The following TENM3 variants were observed in gnomAD, a reference collection of about 807,000 sequenced individuals.
The protein encoded by TENM3 is teneurin transmembrane protein 3, also known as teneurin-3.
TENM3 carries 63 observed loss-of-function variants against 255.1 expected under a neutral mutation model. That is an observed-to-expected ratio of 0.25 (90% CI 0.20 to 0.30). TENM3 has a LOEUF of 0.30. Ranked by LOEUF, TENM3 falls within the 10% of genes least tolerant of loss-of-function variation. The probability of loss-of-function intolerance (pLI) is 1.00; values close to 1 mark genes in which losing one functional copy is unlikely to be tolerated. For missense variants in TENM3, 2,929 were observed against 3,461.1 expected, an observed-to-expected ratio of 0.85 and a Z score of 3.86; for synonymous variants, 1,306 against 1,322.3, an observed-to-expected ratio of 0.99 and a Z score of 0.27.
chr4:182,765,095 A>G (rs1324585995), intron 22 of TENM3, among the ~76,000 whole-genome samples: 1 of 151,940 alleles, frequency 6.6e-6, no homozygotes, highest in African/African-American at 2.4e-5. Flanking sequence ...TTCGTAAATT[A>G]TGACTTTGAG....
intron 1 of TENM3, among the ~76,000 whole-genome samples, chr4:182,159,740 G>T (rs916371328): frequency 1.3e-5 from 2 of 152,218 alleles, no homozygotes; most frequent in African/African-American, 4.8e-5. Flanking sequence ...GATGGCCGGA[G>T]AAGTGACAGT....
At chr4:181,761,873 T>TTCAAA in the TENM3 span, among the ~76,000 whole-genome samples, 1 of 152,332 alleles carries the variant, frequency 6.6e-6, no homozygotes, top group East Asian at 1.9e-4. Flanking sequence ...AATATGTTTG[T>TTCAAA]GTCTTTTGAA....
chr4:182,412,237 T>C (rs1339122359), intron 3 of TENM3, among the ~76,000 whole-genome samples: 1 of 152,028 alleles, frequency 6.6e-6, no homozygotes, highest in Non-Finnish European at 1.5e-5. Flanking sequence ...AGACTGGATG[T>C]GTAATACACC....
chr4:181,987,110 C>A, the TENM3 span, among the ~76,000 whole-genome samples: 8 of 152,042 alleles, frequency 5.3e-5, no homozygotes, highest in Non-Finnish European at 1.0e-4. Flanking sequence ...AACCTGGTTC[C>A]CTTCAAGTGT....
the TENM3 span, among the ~76,000 whole-genome samples, chr4:181,587,180 C>G: frequency 6.6e-6 from 1 of 152,122 alleles, no homozygotes; most frequent in East Asian, 1.9e-4. Context: ...TCTATACTCC[C>G]GCACTCTCTC....
At chr4:182,422,725 A>T (rs997040334) in intron 3 of TENM3, among the ~76,000 whole-genome samples, 4 of 152,354 alleles carry the variant, frequency 2.6e-5, no homozygotes, top group African/African-American at 7.2e-5. Context: ...CAAAAATTTT[A>T]AAAACTTTTT....
chr4:182,493,529 A>G (rs1449805440), intron 3 of TENM3, among the ~76,000 whole-genome samples: 1 of 152,148 alleles, frequency 6.6e-6, no homozygotes, highest in African/African-American at 2.4e-5. Flanking sequence ...TAGCATTAAA[A>G]CACAATTTCC....
intron 1 of TENM3, among the ~76,000 whole-genome samples, chr4:182,295,834 G>T (rs1013579906): frequency 6.6e-6 from 1 of 152,152 alleles, no homozygotes. Flanking sequence ...AGACATAACT[G>T]TTTACCACGT....
At chr4:181,915,100 T>C in the TENM3 span, among the ~76,000 whole-genome samples, 1 of 152,098 alleles carries the variant, frequency 6.6e-6, no homozygotes, top group Non-Finnish European at 1.5e-5. Flanking sequence ...CACTAGGAGA[T>C]CAGGAGGACA....
At chr4:182,676,466 G>T (rs1213156589) in intron 7 of TENM3, among the ~76,000 whole-genome samples, 2 of 136,452 alleles carry the variant, frequency 1.5e-5, no homozygotes, top group African/African-American at 5.1e-5. Flanking sequence ...TGAAAGAGTT[G>T]GATCAGATGA....
At chr4:181,557,848 A>G in the TENM3 span, among the ~76,000 whole-genome samples, 1 of 152,218 alleles carries the variant, frequency 6.6e-6, no homozygotes, top group Admixed American at 6.5e-5. Context: ...ATATTTCTAC[A>G]TAAGTTAAAA....
chr4:182,539,764 A>T (rs6812886), intron 3 of TENM3, among the ~76,000 whole-genome samples: 75,051 of 152,102 alleles, frequency 0.49, 18,872 homozygotes, highest in African/African-American at 0.58. Flanking sequence ...GGGAATATAA[A>T]TGTGTATAAT....
the TENM3 span, among the ~76,000 whole-genome samples, chr4:181,948,651 C>G: frequency 6.6e-6 from 1 of 152,046 alleles, no homozygotes; most frequent in South Asian, 2.1e-4. Flanking sequence ...CTCCTGACCT[C>G]GTGATCTGCC....
At chr4:182,157,634 A>G (rs1052559188) in intron 1 of TENM3, among the ~76,000 whole-genome samples, 2 of 150,248 alleles carry the variant, frequency 1.3e-5, no homozygotes, top group African/African-American at 4.8e-5. Flanking sequence ...CTATGGTTCT[A>G]TTGTTTGAAG....
At chr4:182,294,515 C>T (rs749387923) in intron 1 of TENM3, among the ~76,000 whole-genome samples, 1 of 151,926 alleles carries the variant, frequency 6.6e-6, no homozygotes, top group Non-Finnish European at 1.5e-5. Flanking sequence ...AAAGTGAGAG[C>T]GTCTGGGTGA....
intron 3 of TENM3, among the ~76,000 whole-genome samples, chr4:182,384,000 C>T (rs778450317): frequency 5.9e-5 from 9 of 152,176 alleles, no homozygotes; most frequent in Non-Finnish European, 4.4e-5. Context: ...AGGCTCTCCC[C>T]GCTTCGGTCA....
chr4:181,876,478 T>C, the TENM3 span, among the ~76,000 whole-genome samples: 1 of 152,202 alleles, frequency 6.6e-6, no homozygotes, highest in African/African-American at 2.4e-5. Context: ...ACGTTTCCTC[T>C]GTTTTAAAAC....
the TENM3 span, among the ~76,000 whole-genome samples, chr4:181,658,075 G>A: frequency 6.6e-6 from 1 of 152,048 alleles, no homozygotes; most frequent in African/African-American, 2.4e-5. Flanking sequence ...ATCCATAGAA[G>A]CCCAAACGTC....
chr4:182,133,659 C>A, the TENM3 span, among the ~76,000 whole-genome samples: 1 of 152,044 alleles, frequency 6.6e-6, no homozygotes, highest in African/African-American at 2.4e-5. Flanking sequence ...AAAATATAAT[C>A]CAAAATTGAA....
Sources: gnomAD v4.1 joint callset for allele counts (sites outside exome capture counted in the v4.1 genomes callset) on GRCh38, gnomAD v4.1.1 for gene constraint, MANE v1.5 for transcripts, NCBI Gene and HGNC (gene_info 2026-07-23, HGNC 2026-07-21) for gene names.